Variants in APOL6 observed in about 807,000 individuals in gnomAD.
APOL6 encodes the protein apolipoprotein L, 6.
In APOL6, 1 loss-of-function variant was observed where a neutral mutation model predicts 2.4. The ratio of observed to expected loss-of-function variants is 0.41; its 90% CI spans 0.15 to 1.94. The LOEUF (loss-of-function observed/expected upper bound fraction) is 1.94, where lower values mean the gene tolerates loss of function less well. APOL6 is among the 30% of genes most tolerant of loss of function. The pLI is 0.30. For missense variants in APOL6, 438 were observed against 429.2 expected (o/e 1.02, Z -0.18); for synonymous variants, 189 against 169.3 (o/e 1.12, Z -0.90).
At chr22:35,653,839 G>A (rs1483100573) in intron 1 of APOL6, among the ~76,000 whole-genome samples, 1 of 152,110 alleles carries the variant, frequency 6.6e-6, no homozygotes, top group Non-Finnish European at 1.5e-5. Context: ...GATCCCCCAG[G>A]TTAAGGGCTC....
At chr22:35,652,430 G>A (rs1361327158) in intron 1 of APOL6, among the ~76,000 whole-genome samples, 1 of 152,128 alleles carries the variant, frequency 6.6e-6, no homozygotes, top group Non-Finnish European at 1.5e-5. Flanking sequence ...TTTGGCTTTT[G>A]TTGCCGTTGC....
rs184620005 is a variant in APOL6, at chr22:35,649,783, G to A, written c.-48+1160G>A. On this transcript the variant is annotated intron_variant, in intron 1 of 2. Coordinates refer to ENST00000409652, the MANE Select transcript of APOL6 (RefSeq NM_030641.4). Reference sequence around the variant, plus strand: ...TATTGGCGGACGCTGGTAAAAAATGGGGTTCCAGACCAGAGTCTCTTACCC... The same window carrying A: ...TATTGGCGGACGCTGGTAAAAAATGAGGTTCCAGACCAGAGTCTCTTACCC... 2.0e-4 allele frequency among the ~76,000 whole-genome samples: 31 copies of A among 152,150 alleles called. 1 individual carries two copies. In the East Asian group the frequency reaches 5.8e-3, roughly 28 times the overall value.
chr22:35,649,988 G>T (rs899289707), intron 1 of APOL6, among the ~76,000 whole-genome samples: 1 of 152,144 alleles, frequency 6.6e-6, no homozygotes, highest in Non-Finnish European at 1.5e-5. Flanking sequence ...GAGCAAACAC[G>T]CCCTGTTTGG....
chr22:35,652,712 T>C (rs1241366404), intron 1 of APOL6, among the ~76,000 whole-genome samples: 7 of 152,172 alleles, frequency 4.6e-5, no homozygotes, highest in Non-Finnish European at 1.0e-4. Flanking sequence ...GTTGTAGATA[T>C]GCGGCATTAT....
rs60788585 is a variant in APOL6 at position 35,659,940 on chromosome 22, AT to A, written c.*351del. 0.078 allele frequency: 16,738 copies of A among 214,734 alleles called. 1,081 individuals are homozygous for A. The highest frequency in any genetic ancestry group is 0.18 in the East Asian group (1,714 of 9,558). 13.3% of individuals were successfully genotyped at this position (214,734 alleles called of 1,614,324 possible). The stretch of plus-strand genomic sequence containing the variant: ...ACCACCACGCCCAGCTAATTTTGGT[AT>A]TTTTTTGTAGAGACAGGGTTTCACC... On this transcript the variant is annotated 3_prime_UTR_variant, in exon 3 of 3. Coordinates refer to ENST00000409652, the MANE Select transcript of APOL6 (RefSeq NM_030641.4).
In APOL6 at chr22:35,665,038, A is replaced by G. The variant is rs1925135324; in HGVS notation, c.*5442A>G. On this transcript the variant is annotated 3_prime_UTR_variant, in exon 3 of 3. Transcript: ENST00000409652. ...GGTTGTTTAACAAGGAGGGATGTTC[A>G]GGACAAACCAGAAAGTCCAAGCATG... The G allele has an allele frequency of 6.6e-6, 1 of 152,162 alleles. No individual in the cohort carries two copies. Among genetic ancestry groups the G allele is most frequent in the East Asian group, 1.9e-4 (1 of 5,184 alleles). The allele number at this position is 152,162 out of a possible 1,614,324, so 9.4% of individuals were successfully genotyped here. A position where few individuals can be genotyped will look rare whatever the true frequency, so the allele number is the denominator to read the frequency against.
Position 35,658,943 on chromosome 22 carries a change from A to G in APOL6, c.379A>G (p.Ser127Gly). Reference protein sequence around the residue: ...ATAAGVTSIVSGTLERSKNKE... With the variant: ...ATAAGVTSIVGGTLERSKNKE... ...AGCAGCTGGGGTCACCAGCATCGTG[A>G]GTGGTACGTTGGAACGCTCCAAAAA... Residue 127 changes from serine (S) to glycine (G), a missense_variant, in exon 3 of 3, where the codon AGT becomes GGT. By Grantham distance (56) the Ser-to-Gly change is moderately conservative. Coordinates refer to ENST00000409652, the MANE Select transcript of APOL6 (RefSeq NM_030641.4). 1 of 1,614,012 alleles carries G rather than the reference A, an allele frequency of 6.2e-7. No homozygotes were observed. Among genetic ancestry groups the G allele is most frequent in the Non-Finnish European group, 8.5e-7 (1 of 1,180,030 alleles).
In APOL6 at chr22:35,658,671, C is replaced by T; in HGVS notation, c.107C>T (p.Ser36Phe). Reference protein sequence around the residue: ...EDVELQDGDLSPEEKIFLREF... With the variant: ...EDVELQDGDLFPEEKIFLREF... ...GTGGAGCTACAAGACGGAGATCTGT[C>T]CCCCGAAGAAAAAATATTTTTGAGA... Residue 36 changes from serine to phenylalanine, a missense_variant, in exon 3 of 3, where the codon TCC (serine) becomes TTC (phenylalanine). Transcript: ENST00000409652. 6.2e-7 allele frequency: 1 copy of T among 1,613,962 alleles called. No individual in the cohort carries two copies. The highest frequency in any genetic ancestry group is 8.5e-7 in the Non-Finnish European group (1 of 1,179,952).
In APOL6 at chr22:35,661,296, T is replaced by C. The variant is rs2145960124; in HGVS notation, c.*1700T>C. The C allele has an allele frequency of 7.0e-6, 1 of 142,618 alleles. No individual in the cohort carries two copies. The highest frequency in any genetic ancestry group is 1.5e-5 in the Non-Finnish European group (1 of 66,998). The allele number at this position is 142,618 out of a possible 1,614,324, so 8.8% of individuals were successfully genotyped here. On this transcript the variant is annotated 3_prime_UTR_variant, in exon 3 of 3. Transcript: ENST00000409652. ...TCGCTTGAACCCAGGCTGTAAAGGT[T>C]GCAGTGAGCCAAGATCATGCCACTG...
chr22:35,653,327 A>G (rs2145954077), intron 1 of APOL6, among the ~76,000 whole-genome samples: 1 of 152,314 alleles, frequency 6.6e-6, no homozygotes, highest in East Asian at 1.9e-4. Flanking sequence ...TAGATATACA[A>G]TCATGTCATC....
rs1924972011 is a variant in APOL6, at chr22:35,659,795, G to A, written c.*199G>A. ...TGTTTGTTTGTTTGTTTTGAGACAG[G>A]GTCTCTGTTGCCCAGGCTGGAGTGC... is the stretch of plus-strand genomic sequence containing the variant. On this transcript the variant is annotated 3_prime_UTR_variant, in exon 3 of 3. Coordinates refer to ENST00000409652, the MANE Select transcript of APOL6 (RefSeq NM_030641.4). 7.7e-6 allele frequency: 7 copies of A among 907,256 alleles called. No homozygotes were observed. Among genetic ancestry groups the A allele is most frequent in the Non-Finnish European group, 9.6e-6 (6 of 626,740 alleles). The allele number at this position is 907,256 out of a possible 1,614,324, so 56.2% of individuals were successfully genotyped here.
At position 35,664,761 on chromosome 22, in the gene APOL6, A is replaced by G. The variant is rs879643296; in HGVS notation, c.*5165A>G. ...TATTTGGGTATTTTCCAATAAATATATCTTGTAGGAAAACATTGTTGCTTA... is the reference window on the plus strand; with the variant it reads ...TATTTGGGTATTTTCCAATAAATATGTCTTGTAGGAAAACATTGTTGCTTA... On this transcript the variant is annotated 3_prime_UTR_variant, in exon 3 of 3. Transcript: ENST00000409652. 1.2e-4 allele frequency: 19 copies of G among 152,104 alleles called. No homozygotes were observed. Among genetic ancestry groups the G allele is most frequent in the Non-Finnish European group, 2.5e-4 (17 of 68,012 alleles). The allele number at this position is 152,104 out of a possible 1,614,324, so 9.4% of individuals were successfully genotyped here.
intron 1 of APOL6, among the ~76,000 whole-genome samples, chr22:35,654,821 A>C (rs1290161668): frequency 1.3e-5 from 2 of 152,074 alleles, no homozygotes; most frequent in Non-Finnish European, 2.9e-5. Context: ...AGGCGAAGGC[A>C]ATTAAGAAGC....
chr22:35,654,657 G>A (rs1045328209), intron 1 of APOL6, among the ~76,000 whole-genome samples: 3 of 151,572 alleles, frequency 2.0e-5, no homozygotes, highest in Non-Finnish European at 2.9e-5. Context: ...AACATATTAT[G>A]TTCTTGGGAA....
In APOL6 at chr22:35,658,820, G is replaced by C. The variant is rs1314632192; in HGVS notation, c.256G>C (p.Val86Leu). The C allele has an allele frequency of 2.5e-6, 4 of 1,614,050 alleles. 1 individual carries two copies. In the African/African-American group the frequency reaches 5.3e-5, roughly 22 times the overall value. ...TAACATGGTGGCCACCTCTACTGCT[G>C]TCATCTCTGGAGTGATGAGCCTCCT... ...KANMVATSTA[V>L]ISGVMSLLGL... Residue 86 changes from valine (V) to leucine (L), a missense_variant, in exon 3 of 3, where the codon GTC becomes CTC. Transcript: ENST00000409652.
At chr22:35,657,167 A>G (rs760349309) in intron 2 of APOL6, among the ~76,000 whole-genome samples, 2 of 152,164 alleles carry the variant, frequency 1.3e-5, no homozygotes, top group East Asian at 3.8e-4. Context: ...GCAGCTACAT[A>G]TCTATTTGCT....
At chr22:35,658,508 G>T in intron 2 of APOL6, 107 bp from the exon 3 acceptor site, 1 of 937,612 alleles carries the variant, frequency 1.1e-6, no homozygotes. Context: ...ATTTTGTAGG[G>T]AGGTACAGGG....
rs770660998 is a variant in APOL6 at position 35,664,035 on chromosome 22, G to C, written c.*4439G>C. 1.3e-5 allele frequency: 2 copies of C among 152,144 alleles called. No individual in the cohort carries two copies. Among genetic ancestry groups the C allele is most frequent in the East Asian group, 1.9e-4 (1 of 5,202 alleles). 9.4% of individuals were successfully genotyped at this position (152,144 alleles called of 1,614,324 possible). ...CTAAAAAAGAAAAGGCTAGTCAAAT[G>C]CTTTTTCAAATTTATGTAACTTAAG... On this transcript the variant is annotated 3_prime_UTR_variant, in exon 3 of 3. Transcript: ENST00000409652.
intron 1 of APOL6, among the ~76,000 whole-genome samples, chr22:35,649,437 C>CAAAA (rs11456006): frequency 2.3e-5 from 2 of 86,546 alleles, no homozygotes; most frequent in Admixed American, 1.3e-4. Flanking sequence ...GACCCGGTCT[C>CAAAA]AAAAAAAAAA....
Sources: allele counts gnomAD v4.1 joint callset (sites outside exome capture counted in the v4.1 genomes callset), GRCh38; gene constraint gnomAD v4.1.1; transcripts MANE v1.5; gene names NCBI Gene and HGNC (gene_info 2026-07-23, HGNC 2026-07-21).